Variants in SYT6 observed in about 807,000 individuals in gnomAD.
SYT6 encodes synaptotagmin 6, also known as synaptotagmin-6.
Under a neutral mutation model 38.4 loss-of-function variants are expected in SYT6, and 24 were observed. The ratio of observed to expected loss-of-function variants is 0.62; its 90% CI spans 0.45 to 0.88. The LOEUF (loss-of-function observed/expected upper bound fraction) is 0.88, where lower values mean the gene tolerates loss of function less well. Among genes scored for constraint, SYT6 ranks in the 40% least tolerant of loss-of-function variants. The pLI is 0.00. For missense variants in SYT6, 611 were observed against 621.0 expected (o/e 0.98, Z 0.17); for synonymous variants, 265 against 241.9 (o/e 1.10, Z -0.89).
At chr1:114,140,475 C>G (rs1678804180) in intron 1 of SYT6, among the ~76,000 whole-genome samples, 4 of 152,236 alleles carry the variant, frequency 2.6e-5, no homozygotes, top group African/African-American at 9.6e-5. Context: ...AACTCATCCT[C>G]TTTTCTTCTT....
intron 7 of SYT6, among the ~76,000 whole-genome samples, chr1:114,092,470 G>A (rs1035727904): frequency 6.6e-6 from 1 of 152,132 alleles, no homozygotes; most frequent in Non-Finnish European, 1.5e-5. Context: ...TGCAGAATAT[G>A]TCCTTACTGC....
At chr1:114,102,113 A>C (rs532655214) in intron 4 of SYT6, among the ~76,000 whole-genome samples, 1 of 152,338 alleles carries the variant, frequency 6.6e-6, no homozygotes, top group East Asian at 1.9e-4. Flanking sequence ...ACATCAATTT[A>C]ATTACACCAG....
At chr1:114,128,947 TC>T (rs1677915798) in intron 3 of SYT6, among the ~76,000 whole-genome samples, 1 of 152,198 alleles carries the variant, frequency 6.6e-6, no homozygotes, top group Non-Finnish European at 1.5e-5. Flanking sequence ...AAAATCTGTT[TC>T]TTTAGCCAAG....
chr1:114,123,555 T>G (rs1571864004), intron 3 of SYT6, among the ~76,000 whole-genome samples: 2 of 152,206 alleles, frequency 1.3e-5, no homozygotes, highest in Non-Finnish European at 2.9e-5. Flanking sequence ...GGCTGGCAGG[T>G]GGCCAGGGTG....
chr1:114,139,246 C>A (rs181685878), intron 2 of SYT6, among the ~76,000 whole-genome samples: 1 of 152,154 alleles, frequency 6.6e-6, no homozygotes. Context: ...ACTGACATAT[C>A]CCTAAACACA....
chr1:114,144,887 T>C (rs186211192), intron 1 of SYT6, among the ~76,000 whole-genome samples: 21 of 152,000 alleles, frequency 1.4e-4, no homozygotes, highest in African/African-American at 2.2e-4. Flanking sequence ...CCTCCGAGAA[T>C]AGGTAATAAT....
At chr1:114,137,419 T>G (rs1678545571) in intron 3 of SYT6, 76 bp downstream of exon 3, 2 of 1,501,190 alleles carry the variant, frequency 1.3e-6, no homozygotes, top group African/African-American at 2.8e-5. Flanking sequence ...CTCTAGGAAG[T>G]GAGGGTTTGG....
chr1:114,124,122 A>T (rs907090629), intron 3 of SYT6, among the ~76,000 whole-genome samples: 1 of 152,222 alleles, frequency 6.6e-6, no homozygotes, highest in Non-Finnish European at 1.5e-5. Flanking sequence ...CTCTCTCTGC[A>T]TATATAGGAA....
chr1:114,137,389 A>G, intron 3 of SYT6, 106 bp downstream of exon 3: 2 of 1,346,054 alleles, frequency 1.5e-6, no homozygotes, highest in East Asian at 2.3e-5. Context: ...TCACATCCCA[A>G]ATGGCAAAGG....
At chr1:114,128,225 A>C (rs1282871114) in intron 3 of SYT6, among the ~76,000 whole-genome samples, 1 of 152,204 alleles carries the variant, frequency 6.6e-6, no homozygotes, top group East Asian at 1.9e-4. Context: ...CCTCTTTCAG[A>C]AAACTCTCCC....
intron 3 of SYT6, among the ~76,000 whole-genome samples, chr1:114,129,362 A>G (rs1677947717): frequency 6.6e-6 from 1 of 152,112 alleles, no homozygotes; most frequent in South Asian, 2.1e-4. Context: ...CATCAGCTGC[A>G]GTGATCCTTT....
intron 3 of SYT6, among the ~76,000 whole-genome samples, chr1:114,112,256 A>G (rs1478114045): frequency 6.6e-6 from 1 of 152,316 alleles, no homozygotes. Flanking sequence ...GGTGTGGAGC[A>G]GCGGTGCACG....
chr1:114,103,495 T>G (rs144350234), intron 4 of SYT6, 106 bp downstream of exon 4: 1 of 1,472,336 alleles, frequency 6.8e-7, no homozygotes, highest in African/African-American at 1.4e-5. Context: ...CCAGAGCTGG[T>G]GCTTCTATTC....
chr1:114,149,359 G>T (rs375823422), intron 1 of SYT6, among the ~76,000 whole-genome samples: 122 of 151,766 alleles, frequency 8.0e-4, no homozygotes, highest in African/African-American at 2.9e-3. Flanking sequence ...ATTCAGGGCT[G>T]GGGGGAGGGG....
intron 1 of SYT6, among the ~76,000 whole-genome samples, chr1:114,148,451 T>C (rs1355627072): frequency 6.7e-6 from 1 of 149,336 alleles, no homozygotes; most frequent in Non-Finnish European, 1.5e-5. Context: ...CTGGAATTGG[T>C]GGTGGACCCT....
chr1:114,107,867 T>G (rs1571836069), intron 3 of SYT6, among the ~76,000 whole-genome samples: 1 of 152,274 alleles, frequency 6.6e-6, no homozygotes, highest in East Asian at 1.9e-4. Context: ...AAACAAGGGG[T>G]GACCAGGGGC....
chr1:114,142,234 T>G (rs1678902539), intron 1 of SYT6, among the ~76,000 whole-genome samples: 1 of 152,196 alleles, frequency 6.6e-6, no homozygotes, highest in Non-Finnish European at 1.5e-5. Context: ...CATTCATAAT[T>G]CAGGGGAAAA....
Position 114,137,993 on chromosome 1 carries a change from G to A in SYT6, c.573C>T (p.Gly191=), listed in dbSNP as rs1292787037. Residue 191 remains glycine (G), a synonymous_variant, in exon 3 of 8, where the codon GGC becomes GGT. Transcript: ENST00000610222. ...GCTCTGCTGCTGGTGGAAGCTCATT[G>A]CCATAGTCTACACTGGAGACATGCA... ...RQMHVSSVDY[G]NELPPAAEQP... 2 of 1,614,020 alleles carry A rather than the reference G, an allele frequency of 1.2e-6. No homozygotes were observed. The highest frequency in any genetic ancestry group is 1.7e-6 in the Non-Finnish European group (2 of 1,180,004).
intron 1 of SYT6, among the ~76,000 whole-genome samples, chr1:114,149,099 C>A (rs1042231569): frequency 1.7e-4 from 26 of 152,094 alleles, no homozygotes; most frequent in African/African-American, 6.3e-4. Context: ...CCACCTGCCC[C>A]ATCTTCTTCC....
Sources: allele counts gnomAD v4.1 joint callset (sites outside exome capture counted in the v4.1 genomes callset), GRCh38; gene constraint gnomAD v4.1.1; transcripts MANE v1.5; gene names NCBI Gene and HGNC (gene_info 2026-07-23, HGNC 2026-07-21).